FYN: variants seen among roughly 807,000 people sequenced by gnomAD.
FYN encodes FYN proto-oncogene, Src family tyrosine kinase.
FYN carries 10 observed loss-of-function variants against 70.2 expected under a neutral mutation model. That is an observed-to-expected ratio of 0.14 (90% CI 0.09 to 0.24). The LOEUF (loss-of-function observed/expected upper bound fraction) is 0.24, where lower values mean the gene tolerates loss of function less well. Among genes scored for constraint, FYN ranks in the 10% least tolerant of loss-of-function variants. The pLI is 1.00. For synonymous variants in FYN, 236 were observed against 248.6 expected, an observed-to-expected ratio of 0.95 and a Z score of 0.48; for missense variants, 319 against 673.1, an observed-to-expected ratio of 0.47 and a Z score of 5.82.
intron 1 of FYN, among the ~76,000 whole-genome samples, chr6:111,864,987 A>G (rs868670034): frequency 6.6e-5 from 10 of 152,160 alleles, no homozygotes; most frequent in Admixed American, 2.6e-4. Flanking sequence ...GGCAGGTGCT[A>G]TTATTTCTAT....
chr6:111,765,360 A>AG (rs1803189316), intron 3 of FYN, among the ~76,000 whole-genome samples: 2 of 152,120 alleles, frequency 1.3e-5, no homozygotes, highest in Admixed American at 1.3e-4. Flanking sequence ...TCTTATAGGA[A>AG]GGGGAAGAGA....
At chr6:111,718,277 G>C (rs1294325285) in intron 4 of FYN, among the ~76,000 whole-genome samples, 6 of 152,216 alleles carry the variant, frequency 3.9e-5, no homozygotes, top group Admixed American at 3.9e-4. Flanking sequence ...TTACAGGACT[G>C]AAGGCAGTAT....
intron 12 of FYN, among the ~76,000 whole-genome samples, chr6:111,686,090 C>A (rs1192052652): frequency 1.3e-5 from 2 of 152,026 alleles, no homozygotes; most frequent in Non-Finnish European, 2.9e-5. Context: ...CTTTGGCTTT[C>A]AACACACCCT....
At chr6:111,675,834 T>TA (rs1554272620) in intron 12 of FYN, among the ~76,000 whole-genome samples, 14 of 150,594 alleles carry the variant, frequency 9.3e-5, no homozygotes, top group South Asian at 4.2e-4. Context: ...AATAAATAAA[T>TA]AAATAAAATA....
chr6:111,712,559 A>G (rs553168739), intron 5 of FYN, among the ~76,000 whole-genome samples: 1 of 152,240 alleles, frequency 6.6e-6, no homozygotes, highest in East Asian at 1.9e-4. Flanking sequence ...GGGCTCTGCC[A>G]CCTGCCAGCT....
intron 2 of FYN, among the ~76,000 whole-genome samples, chr6:111,842,293 C>T (rs1462730188): frequency 1.3e-5 from 2 of 152,152 alleles, no homozygotes; most frequent in Non-Finnish European, 2.9e-5. Context: ...AGGAACAATT[C>T]CCGTCTGCAC....
rs925324007 is a variant in FYN, at chr6:111,790,583, TG to T, written c.-81-9949del. On this transcript the variant is annotated intron_variant, in intron 2 of 13. Transcript: ENST00000354650. Reference sequence around the variant, plus strand: ...TACCAGGGGTTCCCTACCAAGGACCTGTTTTATCCACCTGCGCCTCCCACAT... The same window carrying T: ...TACCAGGGGTTCCCTACCAAGGACCTTTTTATCCACCTGCGCCTCCCACAT... Among the ~76,000 whole-genome samples, 49 of 152,306 alleles carry T rather than the reference TG, an allele frequency of 3.2e-4. 1 individual carries two copies. The highest frequency in any genetic ancestry group is 1.1e-3 in the African/African-American group (46 of 41,582).
At chr6:111,693,153 C>CT in intron 12 of FYN, among the ~76,000 whole-genome samples, 1 of 152,118 alleles carries the variant, frequency 6.6e-6, no homozygotes, top group East Asian at 1.9e-4. Flanking sequence ...GCTAAGAATG[C>CT]TTCCATTCTC....
intron 2 of FYN, among the ~76,000 whole-genome samples, chr6:111,804,535 T>C (rs999142619): frequency 6.6e-6 from 1 of 152,188 alleles, no homozygotes; most frequent in African/African-American, 2.4e-5. Context: ...TTCTATTGAG[T>C]AGCTGGATTT....
intron 1 of FYN, among the ~76,000 whole-genome samples, chr6:111,857,489 C>A (rs907579049): frequency 6.6e-6 from 1 of 151,994 alleles, no homozygotes; most frequent in South Asian, 2.1e-4. Flanking sequence ...TACTAAGCCA[C>A]GATTTATCAA....
At chr6:111,843,719 A>G (rs559272750) in intron 2 of FYN, among the ~76,000 whole-genome samples, 1 of 152,314 alleles carries the variant, frequency 6.6e-6, no homozygotes, top group South Asian at 2.1e-4. Context: ...AAGAGGGCCT[A>G]CTATGAGTTA....
At chr6:111,764,597 A>T (rs973928937) in intron 3 of FYN, among the ~76,000 whole-genome samples, 2 of 152,198 alleles carry the variant, frequency 1.3e-5, no homozygotes. Flanking sequence ...CCTCTGATTT[A>T]GTAGAATAAG....
chr6:111,764,228 A>AAAG (rs1803127165), intron 3 of FYN, among the ~76,000 whole-genome samples: 2 of 134,900 alleles, frequency 1.5e-5, no homozygotes, highest in Non-Finnish European at 1.5e-5. Flanking sequence ...AAAAAAAAAA[A>AAAG]AAAAGAAAAG....
intron 1 of FYN, among the ~76,000 whole-genome samples, chr6:111,863,924 T>C (rs1391487954): frequency 6.6e-6 from 1 of 152,178 alleles, no homozygotes; most frequent in Non-Finnish European, 1.5e-5. Flanking sequence ...GTTTGCTTCC[T>C]TCCTTGTCTT....
intron 8 of FYN, among the ~76,000 whole-genome samples, chr6:111,702,111 C>T (rs542616268): frequency 2.1e-4 from 32 of 152,120 alleles, no homozygotes; most frequent in Admixed American, 1.2e-3. Flanking sequence ...AGACATGTGT[C>T]TATACATGTG....
chr6:111,753,357 T>C (rs773209199), intron 3 of FYN, among the ~76,000 whole-genome samples: 146 of 152,154 alleles, frequency 9.6e-4, no homozygotes, highest in Non-Finnish European at 1.5e-3. Context: ...ACTAGAACAA[T>C]GAAGTGAATT....
chr6:111,694,326 GACTGTTCTCACA>G lies in FYN; in HGVS notation c.1273+37_1273+48del. ...AGGAAGGAAGGGCTGTGCAGTAAGT[GACTGTTCTCACA>G]GCTGTGATCACGAGCCATTGTCATT... is the stretch of plus-strand genomic sequence containing the variant. On this transcript the variant is annotated intron_variant, in intron 12 of 13. Coordinates refer to ENST00000354650, the MANE Select transcript of FYN (RefSeq NM_002037.5). The surrounding 1 kb of genome is among the most constrained non-coding windows in gnomAD (Gnocchi z 5.0). 6.2e-7 allele frequency: 1 copy of G among 1,602,054 alleles called. No individual in the cohort carries two copies. Among genetic ancestry groups the G allele is most frequent in the South Asian group, 1.1e-5 (1 of 90,290 alleles).
chr6:111,776,330 C>T (rs1756341424), intron 3 of FYN, among the ~76,000 whole-genome samples: 1 of 152,152 alleles, frequency 6.6e-6, no homozygotes, highest in South Asian at 2.1e-4. Flanking sequence ...CCCACAGATA[C>T]TTACATAAAA....
intron 12 of FYN, among the ~76,000 whole-genome samples, chr6:111,675,155 T>G (rs1242373305): frequency 6.6e-6 from 1 of 152,146 alleles, no homozygotes; most frequent in African/African-American, 2.4e-5. Context: ...GCTCCTTCTC[T>G]CTCCACATTT....
Sources: gnomAD v4.1 joint callset for allele counts (sites outside exome capture counted in the v4.1 genomes callset) on GRCh38, gnomAD v4.1.1 for gene constraint, Gnocchi (gnomAD v3.1) non-coding constraint, MANE v1.5 for transcripts, NCBI Gene and HGNC (gene_info 2026-07-23, HGNC 2026-07-21) for gene names.